Variants in NALF1 observed in about 807,000 individuals in gnomAD.
NALF1 encodes the protein NALCN channel auxiliary factor 1.
NALF1 carries 3 observed loss-of-function variants against 48.4 expected under a neutral mutation model. The ratio of observed to expected loss-of-function variants is 0.06; its 90% CI spans 0.03 to 0.16. NALF1 has a LOEUF of 0.16. Ranked by LOEUF, NALF1 falls within the 10% of genes least tolerant of loss-of-function variation. The probability of loss-of-function intolerance (pLI) is 1.00; values close to 1 mark genes in which losing one functional copy is unlikely to be tolerated. For synonymous variants in NALF1, 262 were observed against 245.7 expected (o/e 1.07, Z -0.62); for missense variants, 526 against 571.5 (o/e 0.92, Z 0.81).
At chr13:107,434,536 T>C (rs1884433404) in intron 1 of NALF1, among the ~76,000 whole-genome samples, 2 of 152,220 alleles carry the variant, frequency 1.3e-5, no homozygotes, top group South Asian at 4.1e-4. Context: ...AAGTGACTTC[T>C]GCTTTTTCCA....
At chr13:107,364,857 A>G (rs879285373) in intron 1 of NALF1, among the ~76,000 whole-genome samples, 1 of 151,924 alleles carries the variant, frequency 6.6e-6, no homozygotes, top group Non-Finnish European at 1.5e-5. Flanking sequence ...CATTTCACCA[A>G]TATCTGATTC....
At chr13:107,829,291 C>T (rs556292110) in intron 1 of NALF1, among the ~76,000 whole-genome samples, 6 of 152,250 alleles carry the variant, frequency 3.9e-5, no homozygotes, top group Admixed American at 1.3e-4. Context: ...TGAGCAGTAA[C>T]GAATAAAGTT....
intron 1 of NALF1, among the ~76,000 whole-genome samples, chr13:107,212,237 T>C (rs1879777825): frequency 6.6e-6 from 1 of 152,192 alleles, no homozygotes; most frequent in Non-Finnish European, 1.5e-5. Flanking sequence ...TAAAATGAGA[T>C]AAATATCAAA....
At chr13:107,390,722 G>A (rs1235595095) in intron 1 of NALF1, among the ~76,000 whole-genome samples, 3 of 151,454 alleles carry the variant, frequency 2.0e-5, no homozygotes, top group African/African-American at 7.3e-5. Flanking sequence ...TCACAGATAA[G>A]AGAGGGACGG....
At chr13:107,491,852 A>G (rs1352597063) in intron 1 of NALF1, among the ~76,000 whole-genome samples, 1 of 152,128 alleles carries the variant, frequency 6.6e-6, no homozygotes, top group African/African-American at 2.4e-5. Flanking sequence ...TTGAAGACAG[A>G]CAATAGGAGT....
chr13:107,357,088 A>C (rs1212711490), intron 1 of NALF1, among the ~76,000 whole-genome samples: 2 of 152,194 alleles, frequency 1.3e-5, no homozygotes, highest in Non-Finnish European at 2.9e-5. Flanking sequence ...AGGAGATATA[A>C]TACAATTGCA....
chr13:107,775,183 C>G (rs1411907768), intron 1 of NALF1, among the ~76,000 whole-genome samples: 1 of 150,840 alleles, frequency 6.6e-6, no homozygotes. Context: ...TTAGGTATAT[C>G]TCCCAGTGCT....
At chr13:107,718,485 G>A (rs1257157820) in intron 1 of NALF1, among the ~76,000 whole-genome samples, 1 of 152,148 alleles carries the variant, frequency 6.6e-6, no homozygotes, top group Non-Finnish European at 1.5e-5. Context: ...TTTTCCTGGG[G>A]AGAAAATCAT....
At chr13:107,238,866 T>G (rs958504214) in intron 1 of NALF1, among the ~76,000 whole-genome samples, 1 of 152,144 alleles carries the variant, frequency 6.6e-6, no homozygotes, top group Non-Finnish European at 1.5e-5. Flanking sequence ...AGTCACAGAA[T>G]AATACAGGAT....
chr13:107,382,962 C>T (rs1883465687), intron 1 of NALF1, among the ~76,000 whole-genome samples: 1 of 152,332 alleles, frequency 6.6e-6, no homozygotes, highest in Non-Finnish European at 1.5e-5. Context: ...CCAGAGACAG[C>T]AGCTCTGGAG....
chr13:107,337,338 C>G (rs543190780), intron 1 of NALF1, among the ~76,000 whole-genome samples: 1 of 152,008 alleles, frequency 6.6e-6, no homozygotes, highest in South Asian at 2.1e-4. Context: ...ACATTGAAAC[C>G]CAGTGTTATA....
Position 107,849,904 on chromosome 13 carries a change from T to C in NALF1, c.915+15778A>G, listed in dbSNP as rs117048405. Among the ~76,000 whole-genome samples, 601 of 152,354 alleles carry C rather than the reference T, an allele frequency of 3.9e-3. 3 individuals carry two copies. The highest frequency in any genetic ancestry group is 5.9e-3 in the Non-Finnish European group (403 of 68,032). ...AGGCACTGGTATATAATTCATTTTA[T>C]AGCTTTATCATGTAAATTATTCATG... On this transcript the variant is annotated intron_variant, in intron 1 of 2. Coordinates refer to ENST00000375915, the MANE Select transcript of NALF1 (RefSeq NM_001080396.3).
chr13:107,693,817 T>C (rs1039407503), intron 1 of NALF1, among the ~76,000 whole-genome samples: 1 of 152,156 alleles, frequency 6.6e-6, no homozygotes, highest in Admixed American at 6.5e-5. Flanking sequence ...AAGACATAAC[T>C]CAGATTTGGA....
At chr13:107,799,963 G>GA (rs1041138308) in intron 1 of NALF1, among the ~76,000 whole-genome samples, 2 of 152,010 alleles carry the variant, frequency 1.3e-5, no homozygotes, top group African/African-American at 4.8e-5. Context: ...GCTGGAAAAA[G>GA]AAAAAAATAT....
At chr13:107,525,978 T>C (rs1163408381) in intron 1 of NALF1, among the ~76,000 whole-genome samples, 2 of 152,140 alleles carry the variant, frequency 1.3e-5, no homozygotes, top group Non-Finnish European at 2.9e-5. Flanking sequence ...ATTTTTTAAT[T>C]GGTTTGTTTC....
At chr13:107,313,734 C>G (rs9520375) in intron 1 of NALF1, among the ~76,000 whole-genome samples, 24,570 of 152,132 alleles carry the variant, frequency 0.16, 2,638 homozygotes, top group Non-Finnish European at 0.24. Flanking sequence ...ATCCTCCTCG[C>G]ACTCGTAAAT....
At chr13:107,455,169 C>G (rs1884803502) in intron 1 of NALF1, among the ~76,000 whole-genome samples, 1 of 152,082 alleles carries the variant, frequency 6.6e-6, no homozygotes, top group Non-Finnish European at 1.5e-5. Flanking sequence ...GCCTGCTTCC[C>G]CTTCCACTAT....
intron 1 of NALF1, among the ~76,000 whole-genome samples, chr13:107,299,444 T>A (rs967688980): frequency 2.1e-5 from 1 of 47,844 alleles, no homozygotes; most frequent in Non-Finnish European, 5.9e-5. Context: ...TCAATAATAA[T>A]AATAATAATA....
At chr13:107,764,326 T>C (rs139996602) in intron 1 of NALF1, among the ~76,000 whole-genome samples, 1 of 152,286 alleles carries the variant, frequency 6.6e-6, no homozygotes, top group Non-Finnish European at 1.5e-5. Context: ...GCTGATATGT[T>C]TGTATACGTG....
Sources: allele counts gnomAD v4.1 joint callset (sites outside exome capture counted in the v4.1 genomes callset), GRCh38; gene constraint gnomAD v4.1.1; transcripts MANE v1.5; gene names NCBI Gene and HGNC (gene_info 2026-07-23, HGNC 2026-07-21).